C8orf88: variants seen among roughly 807,000 people sequenced by gnomAD.
C8orf88 encodes the protein chromosome 8 open reading frame 88, also known as uncharacterized protein C8orf88.
In C8orf88, 14 loss-of-function variants were observed where a neutral mutation model predicts 18.4. The ratio of observed to expected loss-of-function variants is 0.76; its 90% CI spans 0.50 to 1.19. The LOEUF (loss-of-function observed/expected upper bound fraction) is 1.19. C8orf88 is among the 50% of genes most tolerant of loss of function. The pLI is 0.00. For synonymous variants in C8orf88, 45 were observed against 42.9 expected, an observed-to-expected ratio of 1.05 and a Z score of -0.19; for missense variants, 116 against 134.7, an observed-to-expected ratio of 0.86 and a Z score of 0.69.
At chr8:90,960,421 A>C (rs1246015030) in intron 5 of C8orf88, among the ~76,000 whole-genome samples, 1 of 151,432 alleles carries the variant, frequency 6.6e-6, no homozygotes, top group Non-Finnish European at 1.5e-5. Context: ...CTTGATGCCC[A>C]CCTCACATCA....
chr8:90,972,865 A>G (rs1384868301), intron 3 of C8orf88, among the ~76,000 whole-genome samples: 1 of 152,156 alleles, frequency 6.6e-6, no homozygotes, highest in African/African-American at 2.4e-5. Context: ...TCTAGCAGAG[A>G]GCAGCAAAGT....
At chr8:90,962,481 C>A (rs1811141636) in intron 4 of C8orf88, among the ~76,000 whole-genome samples, 2 of 151,448 alleles carry the variant, frequency 1.3e-5, no homozygotes, top group African/African-American at 4.8e-5. Flanking sequence ...TTTCTCAGAA[C>A]CCTGGACTCT....
intron 1 of C8orf88, among the ~76,000 whole-genome samples, chr8:90,981,323 A>G (rs568304221): frequency 9.2e-5 from 14 of 152,232 alleles, no homozygotes; most frequent in Admixed American, 9.2e-4. Flanking sequence ...TGTTCACGCT[A>G]CTTCCAAAAT....
chr8:90,982,081 CA>C lies in C8orf88; in HGVS notation c.-26-1621del, dbSNP rs375091276. On this transcript the variant is annotated intron_variant, in intron 1 of 5. Coordinates refer to ENST00000517562, the MANE Select transcript of C8orf88 (RefSeq NM_001190972.2). ...AAATTAGGAATGATAAGTAAGCACC[CA>C]AAAGTTACTATTTGGAGATAACCCA... is the stretch of plus-strand genomic sequence containing the variant. Among the ~76,000 whole-genome samples, 59 of 152,064 alleles carry C rather than the reference CA, an allele frequency of 3.9e-4. 1 individual carries two copies. The highest frequency in any genetic ancestry group is 1.3e-3 in the African/African-American group (56 of 41,490).
chr8:90,960,124 T>A (rs1030468883), intron 5 of C8orf88, among the ~76,000 whole-genome samples: 2 of 151,504 alleles, frequency 1.3e-5, no homozygotes, highest in Non-Finnish European at 3.0e-5. Context: ...ACAAAATCCA[T>A]GTCCTTTCCA....
intron 1 of C8orf88, 36 bp from the exon 2 acceptor site, chr8:90,980,497 C>T: frequency 1.1e-6 from 1 of 926,354 alleles, no homozygotes; most frequent in Non-Finnish European, 1.6e-6. Flanking sequence ...ATCTTTTGGA[C>T]AAAATAATCA....
intron 1 of C8orf88, among the ~76,000 whole-genome samples, chr8:90,982,469 C>T (rs1811447907): frequency 1.3e-5 from 2 of 152,108 alleles, no homozygotes; most frequent in South Asian, 4.1e-4. Context: ...TTGGCACACA[C>T]TTCGTTGTTT....
chr8:90,975,129 T>G (rs1811329129), intron 3 of C8orf88, among the ~76,000 whole-genome samples: 1 of 152,156 alleles, frequency 6.6e-6, no homozygotes, highest in Non-Finnish European at 1.5e-5. Context: ...CTTCCCATAT[T>G]AATCTATAAA....
intron 4 of C8orf88, among the ~76,000 whole-genome samples, chr8:90,963,851 A>G (rs559362624): frequency 6.6e-6 from 1 of 151,764 alleles, no homozygotes; most frequent in East Asian, 1.9e-4. Context: ...ACAAATAAAT[A>G]ATGGGAGTCC....
chr8:90,972,322 G>C (rs537123949), intron 3 of C8orf88, among the ~76,000 whole-genome samples: 3 of 151,710 alleles, frequency 2.0e-5, no homozygotes, highest in Admixed American at 2.0e-4. Flanking sequence ...TTTTTAAGTA[G>C]AGGAGAAAAA....
chr8:90,984,623 CA>C (rs752294736), intron 1 of C8orf88, among the ~76,000 whole-genome samples: 9 of 151,978 alleles, frequency 5.9e-5, no homozygotes, highest in Non-Finnish European at 1.3e-4. Context: ...CACAATTTAA[CA>C]TTCGGATGGG....
At chr8:90,967,598 C>T (rs1270771279) in intron 4 of C8orf88, among the ~76,000 whole-genome samples, 1 of 151,642 alleles carries the variant, frequency 6.6e-6, no homozygotes, top group African/African-American at 2.4e-5. Flanking sequence ...TTCTTACTTG[C>T]TATAGGTTTG....
intron 4 of C8orf88, among the ~76,000 whole-genome samples, chr8:90,969,670 T>C (rs1811256504): frequency 6.6e-6 from 1 of 151,914 alleles, no homozygotes; most frequent in Non-Finnish European, 1.5e-5. Flanking sequence ...TTAATGAGTA[T>C]GAGGTTTCTT....
intron 3 of C8orf88, among the ~76,000 whole-genome samples, chr8:90,972,201 T>C (rs1318191501): frequency 1.3e-5 from 2 of 152,060 alleles, no homozygotes; most frequent in Non-Finnish European, 1.5e-5. Context: ...GGACTAATTA[T>C]CTAATGCTAT....
Position 90,971,070 on chromosome 8 carries a change from C to T in C8orf88, c.219G>A (p.Lys73=), listed in dbSNP as rs1433536893. ...GGAATTATGATAAAATTTTACCTTT[C>T]TTAACTGGAGACTGCTGTTGCTGTT... is the stretch of plus-strand genomic sequence containing the variant. ...NEQQQQQSPV[K]KERIKYSRDF... The change falls in exon 4 of 6, where the codon AAG becomes AAA. Residue 73 remains lysine (K), a synonymous_variant. Coordinates refer to ENST00000517562, the MANE Select transcript of C8orf88 (RefSeq NM_001190972.2). 2.7e-6 allele frequency: 4 copies of T among 1,508,970 alleles called. No individual in the cohort carries two copies. The African/African-American group carries it at 4.2e-5, about 16-fold the overall frequency. The allele number at this position is 1,508,970 out of a possible 1,614,324, so 93.5% of individuals were successfully genotyped here.
chr8:90,974,821 G>A (rs1811324398), intron 3 of C8orf88, among the ~76,000 whole-genome samples: 1 of 152,046 alleles, frequency 6.6e-6, no homozygotes, highest in Admixed American at 6.6e-5. Flanking sequence ...TGTGTTTACA[G>A]TCCAAACAAA....
chr8:90,961,531 G>A (rs1382953720), intron 4 of C8orf88, among the ~76,000 whole-genome samples: 2 of 151,198 alleles, frequency 1.3e-5, no homozygotes, highest in Non-Finnish European at 3.0e-5. Flanking sequence ...AAATACATGT[G>A]AAGGAAAGAC....
chr8:90,973,981 T>C (rs551878523), intron 3 of C8orf88, among the ~76,000 whole-genome samples: 78 of 152,208 alleles, frequency 5.1e-4, no homozygotes, highest in Admixed American at 1.5e-3. Context: ...ACAATTCGTA[T>C]CTTAAATGGT....
intron 1 of C8orf88, among the ~76,000 whole-genome samples, chr8:90,984,203 A>G (rs1237120436): frequency 6.6e-6 from 1 of 152,232 alleles, no homozygotes; most frequent in Non-Finnish European, 1.5e-5. Context: ...AAGATCATAT[A>G]AAGTGAAATA....
Sources: allele counts gnomAD v4.1 joint callset (sites outside exome capture counted in the v4.1 genomes callset), GRCh38; gene constraint gnomAD v4.1.1; transcripts MANE v1.5; gene names NCBI Gene and HGNC (gene_info 2026-07-23, HGNC 2026-07-21).